RAB11FIP3: variants seen among roughly 807,000 people sequenced by gnomAD.
RAB11FIP3 encodes RAB11 family interacting protein 3, also known as rab11 family-interacting protein 3.
Under a neutral mutation model 77.8 loss-of-function variants are expected in RAB11FIP3, and 17 were observed. The ratio of observed to expected loss-of-function variants is 0.22; its 90% CI spans 0.15 to 0.33. The LOEUF (loss-of-function observed/expected upper bound fraction) is 0.33. RAB11FIP3 is among the 10% of genes least tolerant of loss of function. RAB11FIP3 has a pLI of 1.00. For missense variants in RAB11FIP3, 1,005 were observed against 1,011.2 expected (o/e 0.99, Z 0.08); for synonymous variants, 437 against 448.2 (o/e 0.98, Z 0.31).
chr16:517,620 C>T (rs556137463), intron 9 of RAB11FIP3, among the ~76,000 whole-genome samples: 7 of 152,196 alleles, frequency 4.6e-5, no homozygotes, highest in South Asian at 2.1e-4. Context: ...AGAAAGGGCA[C>T]GCATGGGAAA....
chr16:462,934 T>G (rs544664824), intron 2 of RAB11FIP3, among the ~76,000 whole-genome samples: 1 of 152,324 alleles, frequency 6.6e-6, no homozygotes, highest in South Asian at 2.1e-4. Flanking sequence ...CACGATCCGT[T>G]GCGTGCTTGT....
chr16:466,807 G>A (rs972806953), intron 2 of RAB11FIP3, among the ~76,000 whole-genome samples: 40 of 152,176 alleles, frequency 2.6e-4, no homozygotes, highest in Admixed American at 2.6e-4. Context: ...GGGGCACCCC[G>A]TTCTCCTTCC....
intron 6 of RAB11FIP3, chr16:497,163 C>A: frequency 2.5e-6 from 2 of 810,174 alleles, no homozygotes; most frequent in South Asian, 3.2e-5. Context: ...TCTATGTTAG[C>A]TCTGAGGTAG....
chr16:476,767 A>C (rs2055917000), intron 3 of RAB11FIP3, among the ~76,000 whole-genome samples: 2 of 138,974 alleles, frequency 1.4e-5, no homozygotes, highest in African/African-American at 5.5e-5. Context: ...ACAGAGCAAG[A>C]CTCTGTCTCA....
At chr16:499,967 C>T (rs914128531) in intron 6 of RAB11FIP3, among the ~76,000 whole-genome samples, 59 of 152,320 alleles carry the variant, frequency 3.9e-4, no homozygotes, top group African/African-American at 1.3e-3. Context: ...GCAAAATAAA[C>T]GTCGCGATTC....
At chr16:482,378 G>A in intron 3 of RAB11FIP3, 147 bp from the exon 4 acceptor site, 1 of 780,820 alleles carries the variant, frequency 1.3e-6, no homozygotes, top group Non-Finnish European at 2.3e-6. Flanking sequence ...TATAAGTAAT[G>A]TCTCTGCTTA....
chr16:446,550 C>A (rs1036495404), intron 1 of RAB11FIP3, among the ~76,000 whole-genome samples: 7 of 152,194 alleles, frequency 4.6e-5, no homozygotes, highest in African/African-American at 1.7e-4. Context: ...CACGTGGTCT[C>A]ATCCTTCACA....
chr16:474,943 A>T (rs1032458629), intron 3 of RAB11FIP3: 4 of 1,548,112 alleles, frequency 2.6e-6, no homozygotes, highest in Non-Finnish European at 2.6e-6. Context: ...CCAGCATGAC[A>T]AGCAAGTAGG....
chr16:468,697 A>G (rs1475824392), intron 2 of RAB11FIP3, among the ~76,000 whole-genome samples: 2 of 152,140 alleles, frequency 1.3e-5, no homozygotes, highest in Non-Finnish European at 2.9e-5. Flanking sequence ...AATGAGATAG[A>G]GAGGGATTGT....
At chr16:516,538 A>G (rs938742391) in intron 9 of RAB11FIP3, among the ~76,000 whole-genome samples, 9 of 152,254 alleles carry the variant, frequency 5.9e-5, no homozygotes, top group Non-Finnish European at 8.8e-5. Context: ...AATCCAAAGC[A>G]TAAAGTGCGT....
At chr16:491,071 C>T (rs972682979) in intron 5 of RAB11FIP3, 34 of 1,251,686 alleles carry the variant, frequency 2.7e-5, no homozygotes, top group African/African-American at 9.3e-5. Flanking sequence ...GCCCCTCGTG[C>T]GGAGTCACAG....
intron 6 of RAB11FIP3, among the ~76,000 whole-genome samples, chr16:498,146 C>T (rs2031278414): frequency 6.6e-6 from 1 of 152,040 alleles, no homozygotes; most frequent in Non-Finnish European, 1.5e-5. Context: ...AGCCACCACA[C>T]CCAGCCAAGA....
chr16:492,965 G>A lies in RAB11FIP3; in HGVS notation c.1266-3859G>A, dbSNP rs143971274. On this transcript the variant is annotated intron_variant, in intron 5 of 13. Transcript: ENST00000262305. ...CCCTTTTCCTAAGACTCTATGAAGC[G>A]GGCCAGGCGCAGTGACTCACGCCTG... Among the ~76,000 whole-genome samples the A allele has an allele frequency of 1.3e-3, 200 of 152,172 alleles. 2 individuals are homozygous for A. In the East Asian group the frequency reaches 0.031, roughly 24 times the overall value.
Position 471,405 on chromosome 16 carries a change from C to T in RAB11FIP3, c.903+16C>T. 6.3e-7 allele frequency: 1 copy of T among 1,584,962 alleles called. No homozygotes were observed. The highest frequency in any genetic ancestry group is 8.6e-7 in the Non-Finnish European group (1 of 1,157,608). ...CACCTATGAGGCAAGTGGTTTTCAC[C>T]CAGGAGCTTGGGGGAAGTCTGGCAT... On this transcript the variant is annotated intron_variant, in intron 3 of 13. Coordinates refer to ENST00000262305, the MANE Select transcript of RAB11FIP3 (RefSeq NM_014700.4). The surrounding 1 kb of genome is among the most constrained non-coding windows in gnomAD (Gnocchi z 4.4).
At chr16:490,844 C>A (rs868572259) in intron 5 of RAB11FIP3, among the ~76,000 whole-genome samples, 28 of 152,228 alleles carry the variant, frequency 1.8e-4, no homozygotes, top group African/African-American at 6.0e-4. Flanking sequence ...TGCAAGGAGG[C>A]TCTCAGGCTG....
intron 1 of RAB11FIP3, among the ~76,000 whole-genome samples, chr16:453,753 G>T (rs139939766): frequency 8.2e-4 from 124 of 152,052 alleles, no homozygotes; most frequent in Admixed American, 4.7e-3. Flanking sequence ...ACCACGCCCA[G>T]CTAATTTTGT....
At chr16:475,244 T>TAAATCACCAGC in intron 3 of RAB11FIP3, 1 of 975,824 alleles carries the variant, frequency 1.0e-6, no homozygotes, top group Non-Finnish European at 1.4e-6. Flanking sequence ...CTCTGTCCGC[T>TAAATCACCAGC]GGTGATTTAG....
chr16:435,524 CACTT>C (rs767111700), intron 1 of RAB11FIP3, among the ~76,000 whole-genome samples: 25 of 152,152 alleles, frequency 1.6e-4, no homozygotes, highest in South Asian at 2.1e-4. Context: ...ATATACATCA[CACTT>C]ACAACCAGGT....
At chr16:517,698 A>G (rs926639026) in intron 9 of RAB11FIP3, among the ~76,000 whole-genome samples, 3 of 152,194 alleles carry the variant, frequency 2.0e-5, no homozygotes, top group African/African-American at 4.8e-5. Flanking sequence ...GACACATAAC[A>G]CCACAGTGAA....
Sources: gnomAD v4.1 joint callset for allele counts (sites outside exome capture counted in the v4.1 genomes callset) on GRCh38, gnomAD v4.1.1 for gene constraint, Gnocchi (gnomAD v3.1) non-coding constraint, MANE v1.5 for transcripts, NCBI Gene and HGNC (gene_info 2026-07-23, HGNC 2026-07-21) for gene names.